MYRIP: variants seen among roughly 807,000 people sequenced by gnomAD.
MYRIP encodes the protein rab effector MyRIP.
In MYRIP, 49 loss-of-function variants were observed where a neutral mutation model predicts 98.0. The observed-to-expected ratio is 0.50, with a 90% CI of 0.40 to 0.63. The LOEUF (loss-of-function observed/expected upper bound fraction) is 0.63. Among genes scored for constraint, MYRIP ranks in the 30% least tolerant of loss-of-function variants. MYRIP has a pLI of 0.00. For missense variants in MYRIP, 1,004 were observed against 1,058.2 expected (o/e 0.95, Z 0.71); for synonymous variants, 404 against 409.5 (o/e 0.99, Z 0.16).
At chr3:40,098,969 T>C (rs556764628) in intron 3 of MYRIP, among the ~76,000 whole-genome samples, 4 of 152,232 alleles carry the variant, frequency 2.6e-5, no homozygotes, top group African/African-American at 9.6e-5. Context: ...CAAGTCAAGA[T>C]CTCTTGTTTG....
intron 2 of MYRIP, among the ~76,000 whole-genome samples, chr3:39,934,661 G>C (rs1944618125): frequency 5.9e-5 from 9 of 152,186 alleles, no homozygotes; most frequent in Admixed American, 5.9e-4. Flanking sequence ...TGGCTTTGGA[G>C]TCCAGCTGGG....
chr3:39,860,684 C>T (rs1376213401), intron 1 of MYRIP, among the ~76,000 whole-genome samples: 1 of 152,148 alleles, frequency 6.6e-6, no homozygotes, highest in Admixed American at 6.5e-5. Context: ...GTGGCCCTTT[C>T]TGAATTGCAC....
chr3:39,834,307 A>G (rs1941556680), intron 1 of MYRIP, among the ~76,000 whole-genome samples: 2 of 152,354 alleles, frequency 1.3e-5, no homozygotes, highest in Non-Finnish European at 2.9e-5. Flanking sequence ...GGCTATTTGT[A>G]TATTTATTAG....
At chr3:39,817,147 C>T (rs976857039) in intron 1 of MYRIP, among the ~76,000 whole-genome samples, 1 of 152,194 alleles carries the variant, frequency 6.6e-6, no homozygotes, top group African/African-American at 2.4e-5. Flanking sequence ...TGGAGAACTT[C>T]GTGAAACTGA....
intron 13 of MYRIP, among the ~76,000 whole-genome samples, chr3:40,246,405 G>A (rs1234636035): frequency 6.6e-6 from 1 of 152,190 alleles, no homozygotes; most frequent in Non-Finnish European, 1.5e-5. Flanking sequence ...GGTCAACTAT[G>A]TATTCATCTT....
At position 39,945,637 on chromosome 3, in the gene MYRIP, C is replaced by T. The variant is rs1451138875; in HGVS notation, c.110+44711C>T. On this transcript the variant is annotated intron_variant, in intron 2 of 16. Transcript: ENST00000302541. The stretch of plus-strand genomic sequence containing the variant: ...TTCCAGTCTGTAACCCAAAAGAATT[C>T]TCAGATCTTCAAGAACTTAAAGTTA... 2.0e-5 allele frequency among the ~76,000 whole-genome samples: 3 copies of T among 151,954 alleles called. No individual in the cohort carries two copies. In the South Asian group the frequency reaches 6.2e-4, roughly 32 times the overall value.
At chr3:40,076,438 A>C (rs1385907211) in intron 3 of MYRIP, among the ~76,000 whole-genome samples, 6 of 152,194 alleles carry the variant, frequency 3.9e-5, no homozygotes, top group Non-Finnish European at 8.8e-5. Flanking sequence ...ACATTGCCCA[A>C]CCACAAACCA....
At chr3:40,093,528 A>G (rs564302925) in intron 3 of MYRIP, among the ~76,000 whole-genome samples, 12 of 152,310 alleles carry the variant, frequency 7.9e-5, no homozygotes, top group African/African-American at 2.9e-4. Context: ...CAGACCAGCT[A>G]TGCAGGGTCA....
At chr3:40,223,443 T>G (rs1952395737) in intron 11 of MYRIP, among the ~76,000 whole-genome samples, 1 of 152,192 alleles carries the variant, frequency 6.6e-6, no homozygotes, top group Non-Finnish European at 1.5e-5. Context: ...ACCATTAATC[T>G]CGTGATTCCC....
chr3:40,100,624 G>T (rs1948927069), intron 3 of MYRIP, among the ~76,000 whole-genome samples: 1 of 152,336 alleles, frequency 6.6e-6, no homozygotes, highest in Non-Finnish European at 1.5e-5. Context: ...CTTTGCTGCA[G>T]ATGTGCTATC....
chr3:39,958,279 T>C (rs1169336621), intron 2 of MYRIP, among the ~76,000 whole-genome samples: 1 of 152,090 alleles, frequency 6.6e-6, no homozygotes, highest in South Asian at 2.1e-4. Context: ...CTTCAAACTA[T>C]ACTACAAGGC....
chr3:40,178,045 T>A (rs533787283), intron 8 of MYRIP, among the ~76,000 whole-genome samples: 1 of 152,318 alleles, frequency 6.6e-6, no homozygotes, highest in East Asian at 1.9e-4. Context: ...AAAGCAAAGC[T>A]GTGTCTCAGT....
chr3:40,014,364 G>A (rs931530006), intron 2 of MYRIP, among the ~76,000 whole-genome samples: 2 of 152,174 alleles, frequency 1.3e-5, no homozygotes, highest in Admixed American at 1.3e-4. Context: ...CAAAATAATG[G>A]TTTTAAGTTT....
intron 1 of MYRIP, among the ~76,000 whole-genome samples, chr3:39,879,696 T>C (rs897535465): frequency 1.3e-5 from 2 of 152,184 alleles, no homozygotes; most frequent in African/African-American, 2.4e-5. Flanking sequence ...CTCTAACTTG[T>C]TGGCCTTCAA....
At chr3:40,251,318 C>T (rs966383842) in intron 15 of MYRIP, among the ~76,000 whole-genome samples, 1 of 152,202 alleles carries the variant, frequency 6.6e-6, no homozygotes, top group African/African-American at 2.4e-5. Context: ...ATCACAGATT[C>T]ACAGTCCTTT....
intron 5 of MYRIP, among the ~76,000 whole-genome samples, chr3:40,163,879 C>G (rs1438944471): frequency 6.6e-6 from 1 of 152,120 alleles, no homozygotes; most frequent in Non-Finnish European, 1.5e-5. Context: ...CAGATGACTT[C>G]TCATGAAAAT....
chr3:40,197,444 T>C (rs1951426419), intron 10 of MYRIP, among the ~76,000 whole-genome samples: 1 of 152,220 alleles, frequency 6.6e-6, no homozygotes, highest in Non-Finnish European at 1.5e-5. Context: ...TCTGTCCTCC[T>C]AAACCCAACC....
At chr3:40,084,331 A>G (rs1948558294) in intron 3 of MYRIP, among the ~76,000 whole-genome samples, 1 of 149,152 alleles carries the variant, frequency 6.7e-6, no homozygotes, top group Non-Finnish European at 1.5e-5. Flanking sequence ...ATCGATAGAT[A>G]ATACACATCT....
At chr3:40,065,539 G>A (rs971040490) in intron 3 of MYRIP, among the ~76,000 whole-genome samples, 4 of 152,046 alleles carry the variant, frequency 2.6e-5, no homozygotes, top group Admixed American at 6.6e-5. Context: ...CAAAACTGGA[G>A]CTTCAGGATG....
Sources: gnomAD v4.1 joint callset for allele counts (sites outside exome capture counted in the v4.1 genomes callset) on GRCh38, gnomAD v4.1.1 for gene constraint, MANE v1.5 for transcripts, NCBI Gene and HGNC (gene_info 2026-07-23, HGNC 2026-07-21) for gene names.